The following ARB2A variants were observed in gnomAD, a reference collection of about 807,000 sequenced individuals.
The protein encoded by ARB2A is cotranscriptional regulator ARB2A.
the ARB2A span, among the ~76,000 whole-genome samples, chr5:93,926,151 C>CA: frequency 2.7e-5 from 4 of 148,970 alleles, no homozygotes; most frequent in Admixed American, 6.7e-5. Flanking sequence ...TTTTTTGAGA[C>CA]AGAGTTTTGC....
At chr5:93,817,166 CAT>C in the ARB2A span, among the ~76,000 whole-genome samples, 15 of 151,772 alleles carry the variant, frequency 9.9e-5, no homozygotes, top group African/African-American at 2.4e-4. Flanking sequence ...ACAAGACTAA[CAT>C]ATAAAAATAA....
At chr5:93,995,730 C>T in the ARB2A span, among the ~76,000 whole-genome samples, 1 of 152,162 alleles carries the variant, frequency 6.6e-6, no homozygotes, top group African/African-American at 2.4e-5. Flanking sequence ...AACTGCCATA[C>T]AACATTGTGC....
chr5:93,646,316 A>G, the ARB2A span, among the ~76,000 whole-genome samples: 6 of 152,032 alleles, frequency 3.9e-5, no homozygotes, highest in African/African-American at 1.4e-4. Context: ...ATAAAAAAAA[A>G]TTCTGTTTTT....
the ARB2A span, among the ~76,000 whole-genome samples, chr5:93,819,466 AAG>A: frequency 6.6e-6 from 1 of 152,278 alleles, no homozygotes; most frequent in Non-Finnish European, 1.5e-5. Context: ...GTAAGTTTGT[AAG>A]AGTATTTTTG....
the ARB2A span, among the ~76,000 whole-genome samples, chr5:93,630,552 C>G: frequency 1.3e-5 from 2 of 152,162 alleles, no homozygotes; most frequent in African/African-American, 4.8e-5. Flanking sequence ...CCTATCCTTT[C>G]CTCTAGCTCC....
At chr5:94,060,673 T>C in the ARB2A span, among the ~76,000 whole-genome samples, 3 of 152,120 alleles carry the variant, frequency 2.0e-5, no homozygotes, top group East Asian at 1.9e-4. Context: ...AGATCAGTAT[T>C]ACCCTGATAA....
At chr5:93,999,972 T>A in the ARB2A span, among the ~76,000 whole-genome samples, 1 of 152,112 alleles carries the variant, frequency 6.6e-6, no homozygotes, top group African/African-American at 2.4e-5. Flanking sequence ...TTCCTCCATG[T>A]CTTTTCATGG....
At chr5:93,889,123 A>G in the ARB2A span, among the ~76,000 whole-genome samples, 1 of 151,770 alleles carries the variant, frequency 6.6e-6, no homozygotes, top group Non-Finnish European at 1.5e-5. Flanking sequence ...GAAAAGGAAA[A>G]AAGGAGAAAA....
chr5:93,706,220 T>C, the ARB2A span, among the ~76,000 whole-genome samples: 3 of 152,134 alleles, frequency 2.0e-5, no homozygotes, highest in South Asian at 2.1e-4. Flanking sequence ...CAATAAAAAG[T>C]AATAAAGAAT....
At chr5:93,651,844 A>G in the ARB2A span, among the ~76,000 whole-genome samples, 2 of 152,310 alleles carry the variant, frequency 1.3e-5, no homozygotes, top group South Asian at 2.1e-4. Flanking sequence ...TAAATTTTCC[A>G]TGAAATTATA....
At chr5:93,969,749 C>T in the ARB2A span, among the ~76,000 whole-genome samples, 1 of 152,066 alleles carries the variant, frequency 6.6e-6, no homozygotes, top group Non-Finnish European at 1.5e-5. Context: ...TTATTAAGCA[C>T]TTACTATGTG....
chr5:93,947,299 C>A, the ARB2A span, among the ~76,000 whole-genome samples: 1 of 152,088 alleles, frequency 6.6e-6, no homozygotes, highest in African/African-American at 2.4e-5. Context: ...AAGTGTGTCA[C>A]CTAAATTCAA....
the ARB2A span, among the ~76,000 whole-genome samples, chr5:93,984,802 T>C: frequency 6.6e-6 from 1 of 152,200 alleles, no homozygotes; most frequent in African/African-American, 2.4e-5. Flanking sequence ...AATGAATGAA[T>C]GAAAAAAATT....
chr5:93,853,236 A>G, the ARB2A span, among the ~76,000 whole-genome samples: 1 of 152,286 alleles, frequency 6.6e-6, no homozygotes, highest in African/African-American at 2.4e-5. Flanking sequence ...ATGGGAGTTC[A>G]CTAATGATTT....
chr5:93,627,438 G>GTTTTTTTTTT, the ARB2A span, among the ~76,000 whole-genome samples: 7 of 108,088 alleles, frequency 6.5e-5, no homozygotes, highest in African/African-American at 2.4e-4. Context: ...TACAAAATGT[G>GTTTTTTTTTT]TTTTGTTTTT....
the ARB2A span, among the ~76,000 whole-genome samples, chr5:93,821,426 C>CA: frequency 2.0e-5 from 3 of 151,774 alleles, no homozygotes; most frequent in South Asian, 2.1e-4. Flanking sequence ...ACTACTGGGA[C>CA]AAAAAACCAA....
the ARB2A span, among the ~76,000 whole-genome samples, chr5:93,844,102 A>C: frequency 6.6e-6 from 1 of 151,126 alleles, no homozygotes; most frequent in African/African-American, 2.4e-5. Context: ...CAGAGGAAGC[A>C]AGATGAGGAT....
At chr5:93,780,532 C>T in the ARB2A span, among the ~76,000 whole-genome samples, 1 of 151,760 alleles carries the variant, frequency 6.6e-6, no homozygotes, top group African/African-American at 2.4e-5. Context: ...CTCTTTCTCC[C>T]ATCTCCTCCC....
the ARB2A span, chr5:93,958,971 G>A: frequency 1.9e-6 from 3 of 1,545,986 alleles, no homozygotes; most frequent in Non-Finnish European, 2.6e-6. Flanking sequence ...GCATCTACCT[G>A]TAATTAAATA....
Sources: allele counts gnomAD v4.1 joint callset (sites outside exome capture counted in the v4.1 genomes callset), GRCh38; gene constraint gnomAD v4.1.1; transcripts MANE v1.5; gene names NCBI Gene and HGNC (gene_info 2026-07-23, HGNC 2026-07-21).